EIF3A: variants seen among roughly 807,000 people sequenced by gnomAD.
EIF3A encodes eukaryotic translation initiation factor 3 subunit A.
Under a neutral mutation model 186.6 loss-of-function variants are expected in EIF3A, and 21 were observed. The observed-to-expected ratio is 0.11, with a 90% CI of 0.08 to 0.16. The LOEUF (loss-of-function observed/expected upper bound fraction) is 0.16, where lower values mean the gene tolerates loss of function less well. EIF3A is among the 10% of genes least tolerant of loss of function. The pLI is 1.00. For synonymous variants in EIF3A, 563 were observed against 584.3 expected (o/e 0.96, Z 0.52); for missense variants, 1,306 against 1,796.3 (o/e 0.73, Z 4.93).
At chr10:119,075,622 G>A (rs866406687) in intron 1 of EIF3A, among the ~76,000 whole-genome samples, 17 of 870 alleles carry the variant, frequency 0.02, no homozygotes, top group East Asian at 0.094. Context: ...AAAAAAAAAA[G>A]GGGGGGAGCT....
chr10:119,053,104 C>CT (rs35316398), intron 14 of EIF3A, among the ~76,000 whole-genome samples: 7 of 150,136 alleles, frequency 4.7e-5, no homozygotes, highest in Admixed American at 1.3e-4. Flanking sequence ...ATTCTGAAAA[C>CT]TTTTTTTTTT....
chr10:119,036,917 T>TA (rs1375543167), intron 21 of EIF3A, among the ~76,000 whole-genome samples: 3 of 152,204 alleles, frequency 2.0e-5, no homozygotes, highest in Non-Finnish European at 2.9e-5. Flanking sequence ...TTTAGTCTAC[T>TA]ACTGTACTTT....
rs201609777 is a variant in EIF3A at position 119,069,663 on chromosome 10, A to C, written c.742-9T>G. The C allele has an allele frequency of 1.6e-5, 23 of 1,450,776 alleles. No homozygotes were observed. The highest frequency in any genetic ancestry group is 2.3e-5 in the East Asian group (1 of 43,988). The allele number at this position is 1,450,776 out of a possible 1,614,324, so 89.9% of individuals were successfully genotyped here. On this transcript the variant is annotated splice_polypyrimidine_tract_variant and intron_variant, in intron 5 of 21. Transcript: ENST00000369144. Reference sequence around the variant, plus strand: ...ACAGCTTTGAATGCTTCCTAAAATTAGGAGTATAAATTAAAGTCATTGCAT... The same window carrying C: ...ACAGCTTTGAATGCTTCCTAAAATTCGGAGTATAAATTAAAGTCATTGCAT...
intron 20 of EIF3A, among the ~76,000 whole-genome samples, chr10:119,037,907 A>T (rs760311842): frequency 2.5e-4 from 23 of 93,138 alleles, no homozygotes; most frequent in South Asian, 4.4e-4. Context: ...TTAAGAGGGA[A>T]TTTTTTTTTT....
chr10:119,050,137 A>G, intron 16 of EIF3A, 152 bp from the exon 17 acceptor site: 1 of 762,356 alleles, frequency 1.3e-6, no homozygotes, highest in Middle Eastern at 3.9e-4. Flanking sequence ...GAACATAGTC[A>G]AGAAAATAAG....
chr10:119,073,428 C>G lies in EIF3A; in HGVS notation c.377+13G>C. 6.4e-7 allele frequency: 1 copy of G among 1,574,112 alleles called. No homozygotes were observed. Among genetic ancestry groups the G allele is most frequent in the East Asian group, 2.2e-5 (1 of 44,570 alleles). On this transcript the variant is annotated intron_variant, in intron 3 of 21. Transcript: ENST00000369144. ...AACTATCAAAGCATTTATTAGAGGTCTAACCCACATACCTCTCAGGAGTTT... is the reference window on the plus strand; with the variant it reads ...AACTATCAAAGCATTTATTAGAGGTGTAACCCACATACCTCTCAGGAGTTT...
In EIF3A at chr10:119,060,810, T is replaced by A. The variant is rs765953832; in HGVS notation, c.1262A>T (p.Glu421Val). The A allele has an allele frequency of 6.2e-7, 1 of 1,612,340 alleles. No individual in the cohort carries two copies. The highest frequency in any genetic ancestry group is 8.5e-7 in the Non-Finnish European group (1 of 1,179,244). Residue 421 changes from glutamate (E) to valine (V), a missense_variant, in exon 9 of 22, where the codon GAA (glutamate) becomes GTA (valine). Physicochemically the swap from Glu to Val is moderately radical, Grantham distance 121 (BLOSUM62 -2). This residue lies in a region of EIF3A where 267 missense variants were observed against 367.8 expected (regional missense o/e 0.73). Transcript: ENST00000369144. Reference sequence around the variant, plus strand: ...TGGCACATACTGCTGCAATTCCGGTTCCTTTTCAGGTTGTTCCCTAACCCA... The same window carrying A: ...TGGCACATACTGCTGCAATTCCGGTACCTTTTCAGGTTGTTCCCTAACCCA... ...LNWVREQPEK[E>V]PELQQYVPQL...
chr10:119,064,505 AAAGT>A (rs557971622), intron 7 of EIF3A, among the ~76,000 whole-genome samples: 109 of 152,138 alleles, frequency 7.2e-4, no homozygotes, highest in Non-Finnish European at 1.3e-3. Flanking sequence ...GTGTTGTTTA[AAAGT>A]GTGTGGTACC....
chr10:119,079,785 G>T (rs1469689637), intron 1 of EIF3A, among the ~76,000 whole-genome samples: 2 of 152,098 alleles, frequency 1.3e-5, no homozygotes, highest in Admixed American at 1.3e-4. Context: ...AGAGAAAAAA[G>T]GACTGATCTG....
intron 14 of EIF3A, among the ~76,000 whole-genome samples, chr10:119,053,030 ATC>A (rs1399387352): frequency 6.6e-6 from 1 of 152,172 alleles, no homozygotes; most frequent in African/African-American, 2.4e-5. Context: ...ACAAACATTA[ATC>A]TCTCTTATAC....
At chr10:119,038,009 C>T (rs985827895) in intron 20 of EIF3A, among the ~76,000 whole-genome samples, 12 of 150,860 alleles carry the variant, frequency 8.0e-5, no homozygotes, top group Non-Finnish European at 1.3e-4. Flanking sequence ...CTCTGCCTCC[C>T]GGGTTCAAGC....
intron 14 of EIF3A, among the ~76,000 whole-genome samples, chr10:119,054,798 C>T (rs1405209259): frequency 1.3e-5 from 2 of 152,086 alleles, no homozygotes; most frequent in South Asian, 2.1e-4. Flanking sequence ...TTTCAACATG[C>T]CTTCCTCACT....
chr10:119,069,641 G>T lies in EIF3A; in HGVS notation c.755C>A (p.Ala252Asp). Residue 252 changes from alanine (A) to aspartate (D), a missense_variant, in exon 6 of 22, where the codon GCT becomes GAT. Physicochemically the swap from Ala to Asp is moderately radical, Grantham distance 126. Coordinates refer to ENST00000369144, the MANE Select transcript of EIF3A (RefSeq NM_003750.4). ...SMELWQEAFK[A>D]VEDIHGLFSL... is the part of the protein sequence containing the mutation. ...GAATAGCCCGTGAATATCTTCCACA[G>T]CTTTGAATGCTTCCTAAAATTAGGA... is the stretch of plus-strand genomic sequence containing the variant. The T allele has an allele frequency of 1.3e-6, 2 of 1,562,056 alleles. No homozygotes were observed. The highest frequency in any genetic ancestry group is 1.7e-4 in the Middle Eastern group (1 of 5,994).
intron 1 of EIF3A, among the ~76,000 whole-genome samples, chr10:119,075,218 C>T (rs1844146146): frequency 6.6e-6 from 1 of 151,804 alleles, no homozygotes; most frequent in Non-Finnish European, 1.5e-5. Context: ...CCTTGGCCTC[C>T]CAAAGTGCTG....
intron 4 of EIF3A, among the ~76,000 whole-genome samples, chr10:119,071,869 C>CA (rs1165614588): frequency 6.6e-6 from 1 of 151,080 alleles, no homozygotes; most frequent in Non-Finnish European, 1.5e-5. Flanking sequence ...ACTAAAAATA[C>CA]AAAAAATTAG....
intron 17 of EIF3A, among the ~76,000 whole-genome samples, chr10:119,049,516 G>A (rs6585523): frequency 0.017 from 2,181 of 126,904 alleles, 65 homozygotes; most frequent in African/African-American, 0.06. Context: ...AAAAGAGAAA[G>A]AGATGTGAAA....
At chr10:119,046,651 T>C (rs608790) in intron 17 of EIF3A, among the ~76,000 whole-genome samples, 49,512 of 152,116 alleles carry the variant, frequency 0.33, 8,850 homozygotes, top group Non-Finnish European at 0.4. Context: ...GAAGTTTTTT[T>C]AAAAACTTAG....
intron 19 of EIF3A, among the ~76,000 whole-genome samples, chr10:119,039,471 G>C (rs1178555988): frequency 2.0e-5 from 3 of 152,188 alleles, no homozygotes; most frequent in South Asian, 2.1e-4. Flanking sequence ...AGGAGTTCAA[G>C]ACCAGCCTGG....
At position 119,042,082 on chromosome 10, in the gene EIF3A, A is replaced by G; in HGVS notation, c.3438T>C (p.Asp1146=). The change falls in exon 19 of 22, where the codon GAT becomes GAC. Residue 1146 remains aspartate (D), a synonymous_variant. Coordinates refer to ENST00000369144, the MANE Select transcript of EIF3A (RefSeq NM_003750.4). This position sits in a 1 kb window ranked among gnomAD's most constrained non-coding sequence, Gnocchi z 7.8. ...CATCATCAGCACGTCTTGAAAGGCG[A>G]TCATCATCCATGTTTCTCCAAGGGC... The part of the protein sequence containing the change: ...DRGPWRNMDD[D]RLSRRADDDR... 6.2e-7 allele frequency: 1 copy of G among 1,614,158 alleles called. No homozygotes were observed. The highest frequency in any genetic ancestry group is 1.1e-5 in the South Asian group (1 of 91,074).
Sources: allele counts gnomAD v4.1 joint callset (sites outside exome capture counted in the v4.1 genomes callset), GRCh38; gene constraint gnomAD v4.1.1; regional missense constraint gnomAD v4.1.1; non-coding constraint Gnocchi (gnomAD v3.1); transcripts MANE v1.5; gene names NCBI Gene and HGNC (gene_info 2026-07-23, HGNC 2026-07-21).